Variants in PIGF observed in about 807,000 individuals in gnomAD.
PIGF encodes phosphatidylinositol glycan anchor biosynthesis class F.
In PIGF, 23 loss-of-function variants were observed where a neutral mutation model predicts 26.0. The observed-to-expected ratio is 0.88, with a 90% confidence interval of 0.64 to 1.25. The LOEUF is 1.25. PIGF is among the 50% of genes most tolerant of loss of function. The pLI, the probability that PIGF is intolerant of heterozygous loss-of-function variation, is 0.00. For synonymous variants in PIGF, 93 were observed against 92.6 expected (o/e 1.00, Z -0.03); for missense variants, 278 against 249.9 (o/e 1.11, Z -0.76).
rs1669661878 is a variant in PIGF at position 46,589,270 on chromosome 2, T to A, written c.546+3205A>T. On this transcript the variant is annotated intron_variant, in intron 5 of 5. Transcript: ENST00000281382. This position sits in a 1 kb window ranked among gnomAD's most constrained non-coding sequence, Gnocchi z 4.7. The stretch of plus-strand genomic sequence containing the variant: ...GCCATTATTTAAAATCACTTAAGAT[T>A]TATATTAAGTTAAAAAACTTTTACA... 6.6e-6 allele frequency among the ~76,000 whole-genome samples: 1 copy of A among 152,070 alleles called. No homozygotes were observed. The highest frequency in any genetic ancestry group is 1.5e-5 in the Non-Finnish European group (1 of 67,934).
chr2:46,609,481 C>A (rs1349747708), intron 4 of PIGF, among the ~76,000 whole-genome samples: 1 of 152,186 alleles, frequency 6.6e-6, no homozygotes, highest in Admixed American at 6.5e-5. Flanking sequence ...CCTTTGCATT[C>A]ACAACTTGGC....
chr2:46,612,340 C>G lies in PIGF; in HGVS notation c.325G>C (p.Ala109Pro). ...VLYGAPLIEL[A>P]LETFLFAVIL... ...ACTGCAAATAAAAATGTTTCCAATG[C>G]CAACCTAGAAAAAAAAAAAGATTAC... The change falls in exon 4 of 6, where the codon GCA becomes CCA. Residue 109 changes from alanine (A) to proline (P), a missense_variant. Transcript: ENST00000281382. The G allele has an allele frequency of 8.1e-7, 1 of 1,241,730 alleles. No homozygotes were observed. Among genetic ancestry groups the G allele is most frequent in the Non-Finnish European group, 1.1e-6 (1 of 898,228 alleles). The allele number at this position is 1,241,730 out of a possible 1,614,324, so 76.9% of individuals were successfully genotyped here. A position where few individuals can be genotyped will look rare whatever the true frequency, so the allele number is the denominator to read the frequency against.
intron 4 of PIGF, among the ~76,000 whole-genome samples, chr2:46,604,190 CT>C (rs1241749522): frequency 3.3e-5 from 5 of 152,110 alleles, no homozygotes; most frequent in African/African-American, 1.2e-4. Flanking sequence ...GTTAAAATGG[CT>C]TTTATCCAAA....
chr2:46,607,642 T>C (rs539100089), intron 4 of PIGF, among the ~76,000 whole-genome samples: 32 of 152,292 alleles, frequency 2.1e-4, no homozygotes, highest in African/African-American at 7.7e-4. Context: ...GTGGCCTTGA[T>C]GTTGACGGCT....
In PIGF at chr2:46,588,045, T is replaced by C. The variant is rs112738547; in HGVS notation, c.546+4430A>G. The C allele has an allele frequency of 3.4e-5, 51 of 1,517,436 alleles. No homozygotes were observed. The Admixed American group carries it at 8.1e-4, about 24-fold the overall frequency. The allele number at this position is 1,517,436 out of a possible 1,614,324, so 94.0% of individuals were successfully genotyped here. A position where few individuals can be genotyped will look rare whatever the true frequency, so the allele number is the denominator to read the frequency against. On this transcript the variant is annotated intron_variant, in intron 5 of 5. Transcript: ENST00000281382. This position sits in a 1 kb window ranked among gnomAD's most constrained non-coding sequence, Gnocchi z 4.1. Reference sequence around the variant, plus strand: ...CTCCTCCCCTCTCACACTTGGACTTTCTAGTGTATAAAATGGGAGTAAAAC... The same window carrying C: ...CTCCTCCCCTCTCACACTTGGACTTCCTAGTGTATAAAATGGGAGTAAAAC...
intron 4 of PIGF, among the ~76,000 whole-genome samples, chr2:46,608,207 G>A (rs1180317755): frequency 6.6e-6 from 1 of 152,146 alleles, no homozygotes; most frequent in Admixed American, 6.5e-5. Flanking sequence ...ATCCTTTGTT[G>A]TCATTTCAAC....
At chr2:46,604,768 T>C (rs1670166378) in intron 4 of PIGF, among the ~76,000 whole-genome samples, 1 of 151,844 alleles carries the variant, frequency 6.6e-6, no homozygotes, top group Non-Finnish European at 1.5e-5. Flanking sequence ...ATGAAAAAGA[T>C]AGAATGAGTA....
chr2:46,600,339 G>C (rs868289247), intron 4 of PIGF, among the ~76,000 whole-genome samples: 1 of 152,064 alleles, frequency 6.6e-6, no homozygotes, highest in African/African-American at 2.4e-5. Flanking sequence ...TTTGATCTAG[G>C]AATGTTACTC....
chr2:46,596,617 C>G (rs1669892767), intron 4 of PIGF, among the ~76,000 whole-genome samples: 1 of 151,898 alleles, frequency 6.6e-6, no homozygotes. Flanking sequence ...TGCTCCAAGA[C>G]AGATATTTTC....
At chr2:46,582,339 T>C (rs531120813) in intron 5 of PIGF, 2 of 152,108 alleles carry the variant, frequency 1.3e-5, no homozygotes, top group Non-Finnish European at 2.9e-5. Flanking sequence ...TGAAGCTTAT[T>C]TGGTACACTG....
chr2:46,606,338 T>A (rs1007459890), intron 4 of PIGF, among the ~76,000 whole-genome samples: 6 of 152,202 alleles, frequency 3.9e-5, no homozygotes, highest in Non-Finnish European at 7.4e-5. Flanking sequence ...TGACAACTTT[T>A]GACATAAATG....
At chr2:46,608,402 C>A (rs1670291550) in intron 4 of PIGF, among the ~76,000 whole-genome samples, 1 of 152,222 alleles carries the variant, frequency 6.6e-6, no homozygotes, top group Non-Finnish European at 1.5e-5. Flanking sequence ...GTTTCCTCCA[C>A]TGAAGTCCTG....
At chr2:46,605,236 C>G (rs1670181888) in intron 4 of PIGF, among the ~76,000 whole-genome samples, 1 of 151,902 alleles carries the variant, frequency 6.6e-6, no homozygotes, top group Non-Finnish European at 1.5e-5. Flanking sequence ...GACATGCTTT[C>G]TATAGTAAAA....
chr2:46,602,864 G>C (rs112557820), intron 4 of PIGF, among the ~76,000 whole-genome samples: 88 of 151,920 alleles, frequency 5.8e-4, no homozygotes, highest in African/African-American at 2.0e-3. Flanking sequence ...GTCCTAGCTA[G>C]AGCAATCAGA....
intron 4 of PIGF, among the ~76,000 whole-genome samples, chr2:46,598,756 G>A (rs1261876764): frequency 1.3e-5 from 2 of 152,044 alleles, no homozygotes; most frequent in African/African-American, 4.8e-5. Context: ...AAATTAGATT[G>A]TGGCAATGGC....
intron 4 of PIGF, among the ~76,000 whole-genome samples, chr2:46,597,557 C>T (rs775073708): frequency 5.9e-5 from 9 of 152,056 alleles, no homozygotes; most frequent in Non-Finnish European, 1.0e-4. Context: ...GGATTACAGG[C>T]GCCTGCCACC....
At chr2:46,586,754 G>T (rs1669584335) in intron 5 of PIGF, among the ~76,000 whole-genome samples, 1 of 152,126 alleles carries the variant, frequency 6.6e-6, no homozygotes, top group African/African-American at 2.4e-5. Context: ...TCCAAAATTG[G>T]TCTTGAACAG....
rs998124697 is a variant in PIGF, at chr2:46,589,909, A to G, written c.546+2566T>C. 8.5e-5 allele frequency among the ~76,000 whole-genome samples: 13 copies of G among 152,108 alleles called. No individual in the cohort carries two copies. Among genetic ancestry groups the G allele is most frequent in the Non-Finnish European group, 1.6e-4 (11 of 67,948 alleles). ...ACCTCATTTCTTTAGTTTATTAGTA[A>G]ATAACTGCTAAAAGGGCAAGGAGCA... On this transcript the variant is annotated intron_variant, in intron 5 of 5. Transcript: ENST00000281382. This position sits in a 1 kb window ranked among gnomAD's most constrained non-coding sequence, Gnocchi z 4.7.
At chr2:46,607,270 A>G (rs1489052414) in intron 4 of PIGF, among the ~76,000 whole-genome samples, 2 of 152,202 alleles carry the variant, frequency 1.3e-5, no homozygotes, top group Non-Finnish European at 2.9e-5. Flanking sequence ...TCACTTCGCA[A>G]TAACTCACAA....
Sources: allele counts gnomAD v4.1 joint callset (sites outside exome capture counted in the v4.1 genomes callset), GRCh38; gene constraint gnomAD v4.1.1; non-coding constraint Gnocchi (gnomAD v3.1); transcripts MANE v1.5; gene names NCBI Gene and HGNC (gene_info 2026-07-23, HGNC 2026-07-21).